TMEM108: variants seen among roughly 807,000 people sequenced by gnomAD.
TMEM108 encodes cancer/testis antigen 124.
A neutral mutation model predicts 35.1 loss-of-function variants in TMEM108; 12 were observed. That is an observed-to-expected ratio of 0.34 (90% confidence interval 0.22 to 0.55). The LOEUF (loss-of-function observed/expected upper bound fraction) is 0.55, where lower values mean the gene tolerates loss of function less well. Among genes scored for constraint, TMEM108 ranks in the 20% least tolerant of loss-of-function variants. The pLI is 0.89. For synonymous variants in TMEM108, 287 were observed against 308.6 expected (o/e 0.93, Z 0.73); for missense variants, 680 against 753.3 (o/e 0.90, Z 1.14).
At chr3:133,272,272 CGTGT>C (rs3078833) in intron 3 of TMEM108, among the ~76,000 whole-genome samples, 11,030 of 137,754 alleles carry the variant, frequency 0.08, 488 homozygotes, top group South Asian at 0.17. Context: ...CATACACGTA[CGTGT>C]GTGTGTGTGT....
intron 1 of TMEM108, among the ~76,000 whole-genome samples, chr3:133,044,867 G>C (rs544902627): frequency 3.9e-5 from 6 of 152,256 alleles, no homozygotes; most frequent in African/African-American, 1.4e-4. Context: ...TGAGGTGCGA[G>C]GATCACTTGA....
intron 2 of TMEM108, among the ~76,000 whole-genome samples, chr3:133,093,346 A>G (rs548345419): frequency 2.0e-5 from 3 of 152,186 alleles, no homozygotes; most frequent in Non-Finnish European, 4.4e-5. Flanking sequence ...GGGAGCTGGA[A>G]CTGATGCTGT....
At chr3:133,155,029 C>T (rs1025934402) in intron 2 of TMEM108, among the ~76,000 whole-genome samples, 5 of 152,066 alleles carry the variant, frequency 3.3e-5, no homozygotes, top group African/African-American at 1.2e-4. Flanking sequence ...CTCAAGTAGT[C>T]CCCAGTGTCT....
At chr3:133,302,662 C>G (rs184556534) in intron 3 of TMEM108, among the ~76,000 whole-genome samples, 3 of 152,042 alleles carry the variant, frequency 2.0e-5, no homozygotes, top group Non-Finnish European at 4.4e-5. Context: ...CCTCATGATC[C>G]TCCCGCCTCG....
chr3:133,210,796 A>G (rs1329092124), intron 2 of TMEM108, among the ~76,000 whole-genome samples: 1 of 152,206 alleles, frequency 6.6e-6, no homozygotes, highest in Non-Finnish European at 1.5e-5. Flanking sequence ...GTGTCTGTTT[A>G]ATATTGGCCC....
Position 133,309,695 on chromosome 3 carries a change from T to C in TMEM108, c.41-70057T>C, listed in dbSNP as rs1419406394. On this transcript the variant is annotated intron_variant, in intron 3 of 5. Coordinates refer to ENST00000321871, the MANE Select transcript of TMEM108 (RefSeq NM_023943.4). ...TTGAGTGAGTTTCTTTTTTTTTTTTTTTTTTTTTTTTTTTTTTTTTTTTGA... is the reference window on the plus strand; with the variant it reads ...TTGAGTGAGTTTCTTTTTTTTTTTTCTTTTTTTTTTTTTTTTTTTTTTTGA... 2.9e-4 allele frequency among the ~76,000 whole-genome samples: 24 copies of C among 82,860 alleles called. No individual in the cohort carries two copies. In the East Asian group the frequency reaches 0.013, roughly 45 times the overall value. 54.4% of individuals were successfully genotyped at this position (82,860 alleles called of 152,430 possible).
intron 3 of TMEM108, among the ~76,000 whole-genome samples, chr3:133,303,959 A>G (rs745698532): frequency 6.6e-6 from 1 of 152,164 alleles, no homozygotes; most frequent in Non-Finnish European, 1.5e-5. Context: ...CAGCATAGCC[A>G]TGTGGTAGCT....
intron 1 of TMEM108, among the ~76,000 whole-genome samples, chr3:133,039,580 C>T (rs760256841): frequency 7.6e-4 from 115 of 152,300 alleles, no homozygotes; most frequent in Middle Eastern, 3.4e-3. Context: ...TCCTCCATTT[C>T]CCCAGACAGC....
At chr3:133,332,984 C>T (rs1359078949) in intron 3 of TMEM108, among the ~76,000 whole-genome samples, 2 of 152,188 alleles carry the variant, frequency 1.3e-5, no homozygotes, top group Non-Finnish European at 1.5e-5. Context: ...CATCTGCGGC[C>T]AGAGTGGAAT....
At chr3:133,326,701 G>A (rs1020150526) in intron 3 of TMEM108, among the ~76,000 whole-genome samples, 2 of 152,194 alleles carry the variant, frequency 1.3e-5, no homozygotes, top group African/African-American at 2.4e-5. Context: ...GGAAGGAACC[G>A]TACTTTGTGC....
intron 2 of TMEM108, among the ~76,000 whole-genome samples, chr3:133,145,599 A>G (rs1944707721): frequency 6.6e-6 from 1 of 152,232 alleles, no homozygotes; most frequent in South Asian, 2.1e-4. Flanking sequence ...AACCATGAGC[A>G]TAGAATGTTT....
At chr3:133,235,505 G>C (rs183946872) in intron 3 of TMEM108, among the ~76,000 whole-genome samples, 2 of 152,250 alleles carry the variant, frequency 1.3e-5, no homozygotes, top group Admixed American at 1.3e-4. Flanking sequence ...AATGGGGAAA[G>C]TTTTACCACT....
intron 2 of TMEM108, among the ~76,000 whole-genome samples, chr3:133,173,157 G>A (rs566693942): frequency 1.3e-5 from 2 of 152,322 alleles, no homozygotes; most frequent in South Asian, 2.1e-4. Flanking sequence ...CAAAAAGAAG[G>A]CAGCAAGAAC....
chr3:133,231,524 T>C (rs1024526256), intron 3 of TMEM108, among the ~76,000 whole-genome samples: 3 of 152,152 alleles, frequency 2.0e-5, no homozygotes, highest in Non-Finnish European at 4.4e-5. Flanking sequence ...AGAATTCTTA[T>C]AAGGCAGCTA....
intron 3 of TMEM108, among the ~76,000 whole-genome samples, chr3:133,269,379 G>C (rs1946741175): frequency 6.6e-6 from 1 of 152,100 alleles, no homozygotes; most frequent in African/African-American, 2.4e-5. Flanking sequence ...CAAATGCTTT[G>C]GTGGCTAATG....
chr3:133,262,803 C>A (rs1191420211), intron 3 of TMEM108, among the ~76,000 whole-genome samples: 1 of 152,194 alleles, frequency 6.6e-6, no homozygotes, highest in Non-Finnish European at 1.5e-5. Context: ...GTAATTGCAC[C>A]CCTTTCACTC....
chr3:133,150,642 C>T (rs150980550), intron 2 of TMEM108, among the ~76,000 whole-genome samples: 94 of 152,126 alleles, frequency 6.2e-4, no homozygotes, highest in African/African-American at 2.0e-3. Context: ...AGAATTAGAG[C>T]GTGTGAGCCC....
chr3:133,378,520 C>CA, intron 3 of TMEM108: 2 of 985,474 alleles, frequency 2.0e-6, no homozygotes. Flanking sequence ...CTGAGGATGA[C>CA]AAAGAAGGGG....
At chr3:133,272,691 A>C (rs1946789666) in intron 3 of TMEM108, among the ~76,000 whole-genome samples, 1 of 152,196 alleles carries the variant, frequency 6.6e-6, no homozygotes, top group African/African-American at 2.4e-5. Context: ...CTACTGAATC[A>C]TAGAGCTGGA....
Sources: allele counts gnomAD v4.1 joint callset (sites outside exome capture counted in the v4.1 genomes callset), GRCh38; gene constraint gnomAD v4.1.1; transcripts MANE v1.5; gene names NCBI Gene and HGNC (gene_info 2026-07-23, HGNC 2026-07-21).